MARCHF1: variants seen among roughly 807,000 people sequenced by gnomAD.
MARCHF1 encodes the protein membrane associated ring-CH-type finger 1, also known as E3 ubiquitin-protein ligase MARCHF1.
MARCHF1 carries 40 observed loss-of-function variants against 54.2 expected under a neutral mutation model. The observed-to-expected ratio is 0.74, with a 90% confidence interval of 0.57 to 0.96. The LOEUF (loss-of-function observed/expected upper bound fraction) is 0.96. MARCHF1 is among the 40% of genes least tolerant of loss of function. The pLI is 0.00. For synonymous variants in MARCHF1, 236 were observed against 236.3 expected, an observed-to-expected ratio of 1.00 and a Z score of 0.01; for missense variants, 586 against 656.5, an observed-to-expected ratio of 0.89 and a Z score of 1.17.
intron 1 of MARCHF1, among the ~76,000 whole-genome samples, chr4:164,156,155 G>A (rs937232178): frequency 3.9e-5 from 6 of 152,080 alleles, no homozygotes; most frequent in Non-Finnish European, 5.9e-5. Flanking sequence ...TAATCCTACT[G>A]AACTTAACTT....
intron 4 of MARCHF1, among the ~76,000 whole-genome samples, chr4:163,724,846 G>A (rs1402747215): frequency 4.0e-5 from 6 of 151,850 alleles, no homozygotes; most frequent in Non-Finnish European, 5.9e-5. Flanking sequence ...CGTTTGCTAA[G>A]ACCATTGGAA....
At chr4:164,024,577 G>T (rs1202680779) in intron 2 of MARCHF1, among the ~76,000 whole-genome samples, 1 of 152,098 alleles carries the variant, frequency 6.6e-6, no homozygotes, top group Non-Finnish European at 1.5e-5. Context: ...TTTAAAAGAG[G>T]TCCTTAAGAG....
At chr4:164,232,440 G>C (rs141028976) in intron 1 of MARCHF1, among the ~76,000 whole-genome samples, 1 of 152,044 alleles carries the variant, frequency 6.6e-6, no homozygotes, top group East Asian at 1.9e-4. Flanking sequence ...AATGCCTTAT[G>C]TTAAGTATAT....
intron 4 of MARCHF1, among the ~76,000 whole-genome samples, chr4:163,703,260 A>C (rs547583432): frequency 6.6e-6 from 1 of 152,012 alleles, no homozygotes; most frequent in Non-Finnish European, 1.5e-5. Context: ...CTTATTTTCT[A>C]TATCTTGCAA....
At chr4:163,599,745 A>G (rs1740896913) in intron 7 of MARCHF1, among the ~76,000 whole-genome samples, 1 of 152,178 alleles carries the variant, frequency 6.6e-6, no homozygotes, top group African/African-American at 2.4e-5. Flanking sequence ...CTGATTCCAT[A>G]GGTCTGGATT....
intron 3 of MARCHF1, among the ~76,000 whole-genome samples, chr4:163,983,622 T>C (rs988954955): frequency 2.6e-5 from 4 of 152,302 alleles, no homozygotes; most frequent in South Asian, 2.1e-4. Context: ...CTAAATGACC[T>C]GGTAATAGAA....
At chr4:164,141,535 C>A (rs1159107330) in intron 1 of MARCHF1, among the ~76,000 whole-genome samples, 5 of 152,150 alleles carry the variant, frequency 3.3e-5, no homozygotes, top group East Asian at 1.9e-4. Flanking sequence ...ATTTTTATAA[C>A]CTGCACCTTA....
At chr4:164,190,101 G>A (rs1278438242) in intron 1 of MARCHF1, 20 of 1,428,144 alleles carry the variant, frequency 1.4e-5, no homozygotes, top group Non-Finnish European at 1.9e-5. Flanking sequence ...GAATCAGATT[G>A]GAGATAAAGA....
chr4:164,301,050 AT>A (rs966193052), intron 1 of MARCHF1, among the ~76,000 whole-genome samples: 13 of 151,812 alleles, frequency 8.6e-5, no homozygotes, highest in Admixed American at 6.6e-4. Flanking sequence ...GAAAGATGCT[AT>A]TTTTTTTAAA....
chr4:164,299,312 GA>G (rs1275965630), intron 1 of MARCHF1, among the ~76,000 whole-genome samples: 8 of 151,334 alleles, frequency 5.3e-5, no homozygotes, highest in Non-Finnish European at 1.2e-4. Context: ...TAATGGAGGA[GA>G]AAAAAAACCC....
chr4:163,910,762 G>A (rs1579385682), intron 3 of MARCHF1, among the ~76,000 whole-genome samples: 2 of 152,210 alleles, frequency 1.3e-5, no homozygotes, highest in East Asian at 1.9e-4. Flanking sequence ...CTCCCAAAGT[G>A]TTGGGATTAC....
intron 5 of MARCHF1, among the ~76,000 whole-genome samples, chr4:163,622,745 T>G (rs1741733236): frequency 6.6e-6 from 1 of 152,206 alleles, no homozygotes; most frequent in Admixed American, 6.6e-5. Context: ...GCAAGTTGCC[T>G]AATGCTCCTT....
intron 4 of MARCHF1, among the ~76,000 whole-genome samples, chr4:163,839,318 T>C (rs1749273870): frequency 1.3e-5 from 2 of 152,092 alleles, no homozygotes; most frequent in Non-Finnish European, 2.9e-5. Flanking sequence ...GTACCTTAAA[T>C]TGTTAAACAC....
intron 2 of MARCHF1, among the ~76,000 whole-genome samples, chr4:163,998,270 T>C (rs984048323): frequency 6.6e-6 from 1 of 151,472 alleles, no homozygotes; most frequent in Non-Finnish European, 1.5e-5. Flanking sequence ...TAGAGCATTG[T>C]AACAGTCATT....
intron 5 of MARCHF1, among the ~76,000 whole-genome samples, chr4:163,625,570 T>A (rs182923578): frequency 1.4e-4 from 21 of 152,198 alleles, no homozygotes; most frequent in Non-Finnish European, 2.5e-4. Flanking sequence ...GCAGTAGAGA[T>A]AGAGATGACA....
chr4:164,182,459 G>A (rs1730855716), intron 1 of MARCHF1, among the ~76,000 whole-genome samples: 1 of 151,870 alleles, frequency 6.6e-6, no homozygotes, highest in Admixed American at 6.6e-5. Context: ...AGTAAAAAAA[G>A]CAACTTGCAA....
At chr4:164,307,077 A>G (rs750836226) in intron 1 of MARCHF1, among the ~76,000 whole-genome samples, 2 of 152,180 alleles carry the variant, frequency 1.3e-5, no homozygotes, top group Non-Finnish European at 2.9e-5. Flanking sequence ...CTCTTGCTTG[A>G]ACAAAAGATC....
chr4:164,005,736 C>T (rs1035524153), intron 2 of MARCHF1, among the ~76,000 whole-genome samples: 1 of 152,094 alleles, frequency 6.6e-6, no homozygotes, highest in African/African-American at 2.4e-5. Context: ...AAACAATGCT[C>T]TATAACTTAG....
chr4:164,005,513 G>A (rs1753268009), intron 2 of MARCHF1, among the ~76,000 whole-genome samples: 1 of 152,090 alleles, frequency 6.6e-6, no homozygotes, highest in Non-Finnish European at 1.5e-5. Context: ...TTGGCAACAA[G>A]TGCATGGTAA....
Sources: gnomAD v4.1 joint callset for allele counts (sites outside exome capture counted in the v4.1 genomes callset) on GRCh38, gnomAD v4.1.1 for gene constraint, MANE v1.5 for transcripts, NCBI Gene and HGNC (gene_info 2026-07-23, HGNC 2026-07-21) for gene names.